The following EYA2 variants were observed in gnomAD, a reference collection of about 807,000 sequenced individuals.
The protein encoded by EYA2 is EYA transcriptional coactivator and phosphatase 2, also known as protein phosphatase EYA2.
Under a neutral mutation model 69.2 loss-of-function variants are expected in EYA2, and 31 were observed. The observed-to-expected ratio is 0.45, with a 90% CI of 0.34 to 0.60. The LOEUF is 0.60. EYA2 is among the 20% of genes least tolerant of loss of function. The pLI is 0.02. For missense variants in EYA2, 622 were observed against 701.2 expected (o/e 0.89, Z 1.28); for synonymous variants, 257 against 279.4 (o/e 0.92, Z 0.80).
chr20:46,977,738 T>C (rs767458528), intron 1 of EYA2, among the ~76,000 whole-genome samples: 1 of 152,284 alleles, frequency 6.6e-6, no homozygotes, highest in Admixed American at 6.5e-5. Flanking sequence ...TGAATTTGCC[T>C]TATTTATCTG....
chr20:47,141,480 AG>A (rs1420445049), intron 9 of EYA2, among the ~76,000 whole-genome samples: 1 of 152,212 alleles, frequency 6.6e-6, no homozygotes, highest in Non-Finnish European at 1.5e-5. Flanking sequence ...ATATGTATCC[AG>A]GGGTGGAAAC....
At chr20:47,047,406 A>G (rs554640789) in intron 5 of EYA2, among the ~76,000 whole-genome samples, 3 of 108,058 alleles carry the variant, frequency 2.8e-5, no homozygotes, top group African/African-American at 1.2e-4. Context: ...CTTTTTTTTG[A>G]GACAAAGTCT....
chr20:47,163,475 G>T (rs898905469), intron 10 of EYA2, among the ~76,000 whole-genome samples: 2 of 152,020 alleles, frequency 1.3e-5, no homozygotes, highest in Admixed American at 6.6e-5. Flanking sequence ...GAGGCAGGGG[G>T]GTCATCTGAG....
At chr20:47,177,156 A>G (rs1392059155) in intron 12 of EYA2, among the ~76,000 whole-genome samples, 5 of 151,872 alleles carry the variant, frequency 3.3e-5, no homozygotes, top group African/African-American at 7.3e-5. Context: ...TCTGTTTCTC[A>G]GGCTGGAGTG....
chr20:47,076,315 T>C (rs1400659743), intron 7 of EYA2, among the ~76,000 whole-genome samples: 1 of 152,218 alleles, frequency 6.6e-6, no homozygotes, highest in African/African-American at 2.4e-5. Context: ...CTAATTTACA[T>C]TCCCATGAAC....
At position 46,987,933 on chromosome 20, in the gene EYA2, T is replaced by A. The variant is rs1239010892; in HGVS notation, c.-10-2068T>A. ...CAGAGTAAGTCTCTCTCTCTCTCTC[T>A]CTCTCTCTCTCTCTCTCTCTCTCTC... On this transcript the variant is annotated intron_variant, in intron 1 of 15. Transcript: ENST00000327619. Among the ~76,000 whole-genome samples, 21 of 33,652 alleles carry A rather than the reference T, an allele frequency of 6.2e-4. 3 individuals carry two copies. The highest frequency in any genetic ancestry group is 2.6e-3 in the African/African-American group (19 of 7,234). 22.1% of individuals were successfully genotyped at this position (33,652 alleles called of 152,430 possible).
intron 7 of EYA2, among the ~76,000 whole-genome samples, chr20:47,079,784 T>C (rs1382632032): frequency 1.3e-5 from 2 of 151,674 alleles, no homozygotes; most frequent in African/African-American, 4.9e-5. Context: ...CTTTGAGCTA[T>C]TGTGATAGGT....
chr20:47,118,821 T>C lies in EYA2; in HGVS notation c.888+21653T>C, dbSNP rs115227050. On this transcript the variant is annotated intron_variant, in intron 9 of 15. Transcript: ENST00000327619. ...ATGCCTAATTTTCCGCCCACAGATT[T>C]AACAAACACAGACTGCTTCCCCAGA... Among the ~76,000 whole-genome samples the C allele has an allele frequency of 5.5e-3, 835 of 152,276 alleles. 5 individuals carry two copies. The highest frequency in any genetic ancestry group is 0.019 in the African/African-American group (793 of 41,554).
chr20:46,922,419 A>G (rs890137671), intron 1 of EYA2, among the ~76,000 whole-genome samples: 2 of 152,248 alleles, frequency 1.3e-5, no homozygotes, highest in African/African-American at 4.8e-5. Flanking sequence ...TCTACTGTAC[A>G]TTCCAAAATG....
chr20:46,901,946 C>T (rs1984136300), intron 1 of EYA2, among the ~76,000 whole-genome samples: 2 of 152,202 alleles, frequency 1.3e-5, no homozygotes, highest in Non-Finnish European at 2.9e-5. Context: ...ACAGACCATA[C>T]TCCCTGGAGG....
At position 47,014,051 on chromosome 20, in the gene EYA2, G is replaced by A. The variant is rs540658964; in HGVS notation, c.299-2130G>A. ...AAGGAAGTAATATATAGCCTGTTTT[G>A]TGGGATTGATGTGAGGATAAAAGAG... On this transcript the variant is annotated intron_variant, in intron 4 of 15. Coordinates refer to ENST00000327619, the MANE Select transcript of EYA2 (RefSeq NM_005244.5). 3.3e-5 allele frequency among the ~76,000 whole-genome samples: 5 copies of A among 152,290 alleles called. No homozygotes were observed. In the South Asian group the frequency reaches 1.0e-3, roughly 32 times the overall value.
chr20:46,903,895 T>C (rs1984233317), intron 1 of EYA2, among the ~76,000 whole-genome samples: 1 of 152,182 alleles, frequency 6.6e-6, no homozygotes, highest in Non-Finnish European at 1.5e-5. Flanking sequence ...AATGAGGCGA[T>C]ACATGGAAAA....
intron 1 of EYA2, among the ~76,000 whole-genome samples, chr20:46,910,206 G>A (rs1297088824): frequency 2.0e-5 from 3 of 152,128 alleles, no homozygotes; most frequent in African/African-American, 7.2e-5. Context: ...CAGCTTCTGG[G>A]GAGGCCTTAG....
chr20:47,071,601 T>A (rs1600686788), intron 5 of EYA2, among the ~76,000 whole-genome samples: 1 of 152,160 alleles, frequency 6.6e-6, no homozygotes, highest in African/African-American at 2.4e-5. Context: ...TCAAATTTTT[T>A]AAAAACATAA....
chr20:47,124,346 A>C (rs550522438), intron 9 of EYA2, among the ~76,000 whole-genome samples: 2 of 152,266 alleles, frequency 1.3e-5, no homozygotes, highest in African/African-American at 4.8e-5. Context: ...TCTAAGATGG[A>C]GTCACTTATG....
At chr20:47,027,296 T>C (rs976237047) in intron 5 of EYA2, among the ~76,000 whole-genome samples, 5 of 152,222 alleles carry the variant, frequency 3.3e-5, no homozygotes, top group African/African-American at 1.2e-4. Flanking sequence ...ATCTTCCTGA[T>C]CTCACTGCAT....
At chr20:47,169,785 A>G (rs954598920) in intron 11 of EYA2, among the ~76,000 whole-genome samples, 1 of 151,754 alleles carries the variant, frequency 6.6e-6, no homozygotes, top group African/African-American at 2.4e-5. Flanking sequence ...GTTATAACCA[A>G]TTTTTTCTCA....
At chr20:47,111,396 G>A (rs2032744313) in intron 9 of EYA2, among the ~76,000 whole-genome samples, 1 of 152,222 alleles carries the variant, frequency 6.6e-6, no homozygotes, top group South Asian at 2.1e-4. Flanking sequence ...TTGGCAGAGA[G>A]GTTCTACTGA....
At chr20:47,015,780 C>T (rs958377515) in intron 4 of EYA2, among the ~76,000 whole-genome samples, 2 of 152,090 alleles carry the variant, frequency 1.3e-5, no homozygotes, top group African/African-American at 4.8e-5. Flanking sequence ...GAAAATAGCA[C>T]GTTAAAACCA....
Sources: allele counts gnomAD v4.1 joint callset (sites outside exome capture counted in the v4.1 genomes callset), GRCh38; gene constraint gnomAD v4.1.1; transcripts MANE v1.5; gene names NCBI Gene and HGNC (gene_info 2026-07-23, HGNC 2026-07-21).